Variants in MYO1H observed in about 807,000 individuals in gnomAD.
MYO1H encodes the protein myosin IH.
A neutral mutation model predicts 149.3 loss-of-function variants in MYO1H; 118 were observed. The ratio of observed to expected loss-of-function variants is 0.79; its 90% CI spans 0.68 to 0.92. The LOEUF (loss-of-function observed/expected upper bound fraction) is 0.92. Ranked by LOEUF, MYO1H falls within the 40% of genes least tolerant of loss-of-function variation. The pLI, the probability that MYO1H is intolerant of heterozygous loss-of-function variation, is 0.00. For missense variants in MYO1H, 1,212 were observed against 1,280.7 expected, an observed-to-expected ratio of 0.95 and a Z score of 0.82; for synonymous variants, 447 against 465.2, an observed-to-expected ratio of 0.96 and a Z score of 0.50.
chr12:109,445,641 A>C (rs772633913), intron 31 of MYO1H, 29 bp downstream of exon 31: 27 of 1,600,888 alleles, frequency 1.7e-5, no homozygotes, highest in Non-Finnish European at 2.0e-5. Flanking sequence ...GAGGGAAGTA[A>C]GCCGTTTTAG....
the MYO1H span, among the ~76,000 whole-genome samples, chr12:109,333,902 T>G: frequency 6.6e-6 from 1 of 152,176 alleles, no homozygotes; most frequent in Non-Finnish European, 1.5e-5. Context: ...CCAGGGAAAT[T>G]TCATTGATTC....
chr12:109,370,768 T>A (rs7952909), intron 1 of MYO1H, among the ~76,000 whole-genome samples: 79,810 of 152,036 alleles, frequency 0.52, 21,677 homozygotes, highest in African/African-American at 0.66. Context: ...TACATGGCAC[T>A]GAATTTATTC....
chr12:109,315,338 T>C, the MYO1H span, among the ~76,000 whole-genome samples: 2 of 152,234 alleles, frequency 1.3e-5, no homozygotes, highest in Non-Finnish European at 1.5e-5. Flanking sequence ...ATTGGACCTA[T>C]GTTATAGGTG....
chr12:109,321,685 C>T, the MYO1H span, among the ~76,000 whole-genome samples: 1 of 152,322 alleles, frequency 6.6e-6, no homozygotes, highest in South Asian at 2.1e-4. Flanking sequence ...AATCACTCTT[C>T]TATAAGCTCA....
At chr12:109,318,960 G>T in the MYO1H span, among the ~76,000 whole-genome samples, 2 of 77,950 alleles carry the variant, frequency 2.6e-5, no homozygotes, top group East Asian at 3.9e-4. Context: ...AACTCTCTGC[G>T]TTTTTGGTTT....
intron 23 of MYO1H, among the ~76,000 whole-genome samples, chr12:109,438,966 G>A (rs1871988309): frequency 6.6e-6 from 1 of 152,202 alleles, no homozygotes; most frequent in Admixed American, 6.5e-5. Flanking sequence ...ACCTCAAGGT[G>A]GGGCGGTAAC....
the MYO1H span, among the ~76,000 whole-genome samples, chr12:109,334,665 T>G: frequency 2.9e-4 from 44 of 152,332 alleles, no homozygotes; most frequent in African/African-American, 1.0e-3. Context: ...GAAGCCTTTG[T>G]TTTACTTACA....
At chr12:109,381,622 T>C (rs1317272157) in intron 1 of MYO1H, among the ~76,000 whole-genome samples, 1 of 151,954 alleles carries the variant, frequency 6.6e-6, no homozygotes, top group South Asian at 2.1e-4. Flanking sequence ...CTGGCCAACA[T>C]GGTGAAACCC....
intron 1 of MYO1H, among the ~76,000 whole-genome samples, chr12:109,351,126 T>C (rs148677426): frequency 3.9e-5 from 6 of 152,300 alleles, no homozygotes; most frequent in East Asian, 1.9e-4. Context: ...GTACAAGTAA[T>C]ATGTTGGGTT....
At chr12:109,436,803 T>C (rs149828937) in intron 22 of MYO1H, among the ~76,000 whole-genome samples, 255 of 152,248 alleles carry the variant, frequency 1.7e-3, no homozygotes, top group African/African-American at 6.0e-3. Flanking sequence ...AGAATAATTT[T>C]GTGGGCCAGT....
chr12:109,310,946 A>G, the MYO1H span, among the ~76,000 whole-genome samples: 2 of 152,212 alleles, frequency 1.3e-5, no homozygotes, highest in Admixed American at 1.3e-4. Context: ...TGGTTTACAT[A>G]GTTTATGTTG....
chr12:109,384,681 G>A (rs1182779692), intron 1 of MYO1H, among the ~76,000 whole-genome samples: 1 of 152,206 alleles, frequency 6.6e-6, no homozygotes, highest in Non-Finnish European at 1.5e-5. Context: ...ACCCTGGCAA[G>A]TTAAAAATCA....
At chr12:109,389,137 A>G (rs1472341936) in intron 2 of MYO1H, among the ~76,000 whole-genome samples, 1 of 152,018 alleles carries the variant, frequency 6.6e-6, no homozygotes, top group African/African-American at 2.4e-5. Context: ...CTCCTTCTCA[A>G]TCTCTGCTCT....
rs769809300 is a variant in MYO1H, at chr12:109,421,040, C to T, written c.1644+13C>T. The T allele has an allele frequency of 1.3e-6, 2 of 1,519,500 alleles. No homozygotes were observed. The highest frequency in any genetic ancestry group is 1.8e-6 in the Non-Finnish European group (2 of 1,099,582). 94.1% of individuals were successfully genotyped at this position (1,519,500 alleles called of 1,614,324 possible). A position where few individuals can be genotyped will look rare whatever the true frequency, so the allele number is the denominator to read the frequency against. ...ACATCTGAAAGAAGTAAGTCTGACA[C>T]TTAACTGTATGTGTTTCTGATTATT... On this transcript the variant is annotated intron_variant, in intron 16 of 31. Transcript: ENST00000310903.
At chr12:109,439,557 AAAG>A (rs1872022812) in intron 23 of MYO1H, 71 bp from the exon 24 acceptor site, 3 of 1,479,594 alleles carry the variant, frequency 2.0e-6, no homozygotes, top group Non-Finnish European at 2.7e-6. Context: ...CCTCTGAATC[AAAG>A]AAGGGGGAAG....
chr12:109,335,317 T>TG, the MYO1H span, among the ~76,000 whole-genome samples: 2 of 152,016 alleles, frequency 1.3e-5, no homozygotes, highest in Admixed American at 1.3e-4. Flanking sequence ...GGAGCAGGTG[T>TG]GGGGGGGTGC....
chr12:109,387,976 G>T (rs915054415), intron 1 of MYO1H, among the ~76,000 whole-genome samples: 17 of 152,328 alleles, frequency 1.1e-4, no homozygotes, highest in African/African-American at 4.1e-4. Context: ...ATCCTGGTGA[G>T]ATTCTTTGCC....
chr12:109,447,079 G>A (rs1872515360), intron 31 of MYO1H, 80 bp from the exon 32 acceptor site: 1 of 1,392,348 alleles, frequency 7.2e-7, no homozygotes, highest in Admixed American at 2.0e-5. Flanking sequence ...TGCTAATGGT[G>A]ACAGTTGAGG....
chr12:109,318,979 T>TTG, the MYO1H span, among the ~76,000 whole-genome samples: 4 of 141,044 alleles, frequency 2.8e-5, no homozygotes, highest in African/African-American at 8.0e-5. Context: ...TTTGTTTTTT[T>TTG]TTTTTTTTTT....
Sources: gnomAD v4.1 joint callset for allele counts (sites outside exome capture counted in the v4.1 genomes callset) on GRCh38, gnomAD v4.1.1 for gene constraint, MANE v1.5 for transcripts, NCBI Gene and HGNC (gene_info 2026-07-23, HGNC 2026-07-21) for gene names.